TRIO: variants seen among roughly 807,000 people sequenced by gnomAD.
TRIO encodes trio Rho guanine nucleotide exchange factor, also known as triple functional domain protein.
Under a neutral mutation model 351.9 loss-of-function variants are expected in TRIO, and 58 were observed. The observed-to-expected ratio is 0.16, with a 90% CI of 0.13 to 0.21. TRIO has a LOEUF of 0.21. Among genes scored for constraint, TRIO ranks in the 10% least tolerant of loss-of-function variants. The pLI is 1.00. For synonymous variants in TRIO, 1,758 were observed against 1,595.7 expected, an observed-to-expected ratio of 1.10 and a Z score of -2.42; for missense variants, 3,201 against 4,027.8, an observed-to-expected ratio of 0.79 and a Z score of 5.56.
At chr5:14,208,922 AGTTT>A (rs1206045699) in intron 1 of TRIO, among the ~76,000 whole-genome samples, 13 of 152,348 alleles carry the variant, frequency 8.5e-5, no homozygotes, top group African/African-American at 2.4e-4. Context: ...TCTGTTATAA[AGTTT>A]GTTTGTAAAA....
chr5:14,425,619 G>A (rs1237976556), intron 34 of TRIO, among the ~76,000 whole-genome samples: 7 of 152,098 alleles, frequency 4.6e-5, no homozygotes, highest in African/African-American at 1.4e-4. Context: ...GAATGTTTGC[G>A]TCCTTCCAAA....
chr5:14,207,299 A>C, intron 1 of TRIO, among the ~76,000 whole-genome samples: 1 of 26,862 alleles, frequency 3.7e-5, no homozygotes, highest in African/African-American at 1.4e-4. Context: ...ACAGCCAGGT[A>C]GCATAGCAAG....
chr5:14,178,750 G>A (rs1789560587), intron 1 of TRIO, among the ~76,000 whole-genome samples: 1 of 152,152 alleles, frequency 6.6e-6, no homozygotes, highest in African/African-American at 2.4e-5. Flanking sequence ...ATAAAATGAT[G>A]TTTGACTCAG....
At position 14,333,036 on chromosome 5, in the gene TRIO, G is replaced by A. The variant is rs535006795; in HGVS notation, c.1854+2136G>A. 7.2e-5 allele frequency among the ~76,000 whole-genome samples: 11 copies of A among 152,226 alleles called. No individual in the cohort carries two copies. The South Asian group carries it at 8.3e-4, about 11-fold the overall frequency. ...TGCAGGACCAGTTTTTACTAAAGAC[G>A]GCCAGAGGCTGTATTTGGAATCCAG... is the stretch of plus-strand genomic sequence containing the variant. On this transcript the variant is annotated intron_variant, in intron 10 of 56. Transcript: ENST00000344204.
At chr5:14,303,770 A>G (rs1309226686) in intron 7 of TRIO, among the ~76,000 whole-genome samples, 1 of 152,210 alleles carries the variant, frequency 6.6e-6, no homozygotes, top group East Asian at 1.9e-4. Context: ...CGCATGGCTC[A>G]GGCTTTTCTC....
At chr5:14,372,359 T>C (rs1745197274) in intron 18 of TRIO, among the ~76,000 whole-genome samples, 1 of 152,144 alleles carries the variant, frequency 6.6e-6, no homozygotes, top group South Asian at 2.1e-4. Flanking sequence ...TCTAGTTCTC[T>C]CTTTTGTCTC....
intron 34 of TRIO, among the ~76,000 whole-genome samples, chr5:14,439,860 C>T (rs1335298457): frequency 6.6e-6 from 1 of 152,100 alleles, no homozygotes; most frequent in Non-Finnish European, 1.5e-5. Context: ...GCCGTTGGAG[C>T]GCCTGAGACA....
At chr5:14,386,787 A>C (rs1746579403) in intron 21 of TRIO, among the ~76,000 whole-genome samples, 1 of 152,254 alleles carries the variant, frequency 6.6e-6, no homozygotes, top group Non-Finnish European at 1.5e-5. Context: ...TACATACAAA[A>C]TAGAATAATT....
intron 9 of TRIO, among the ~76,000 whole-genome samples, chr5:14,319,887 CG>C (rs1739717660): frequency 6.6e-6 from 1 of 152,042 alleles, no homozygotes; most frequent in African/African-American, 2.4e-5. Context: ...TCTTAATAAG[CG>C]GGGGCCAATT....
chr5:14,407,962 C>G (rs529085367), intron 33 of TRIO, among the ~76,000 whole-genome samples: 3 of 152,174 alleles, frequency 2.0e-5, no homozygotes, highest in African/African-American at 7.2e-5. Flanking sequence ...ATTTATGAGC[C>G]CAGAATTGCT....
At chr5:14,376,969 T>TG (rs1183244840) in intron 19 of TRIO, among the ~76,000 whole-genome samples, 2 of 152,258 alleles carry the variant, frequency 1.3e-5, no homozygotes, top group African/African-American at 4.8e-5. Context: ...ATTTAGTGAC[T>TG]GTATTTTTTA....
At chr5:14,271,902 C>G (rs1169250620) in intron 2 of TRIO, among the ~76,000 whole-genome samples, 1 of 152,054 alleles carries the variant, frequency 6.6e-6, no homozygotes, top group East Asian at 1.9e-4. Flanking sequence ...TCTTGTTTTG[C>G]TTCATGTTCA....
chr5:14,443,481 A>C (rs1487019807), intron 34 of TRIO, among the ~76,000 whole-genome samples: 1 of 152,222 alleles, frequency 6.6e-6, no homozygotes, highest in Admixed American at 6.5e-5. Context: ...ATCACATTTT[A>C]AAAGGAAGAA....
intron 1 of TRIO, among the ~76,000 whole-genome samples, chr5:14,220,226 G>C (rs1792522835): frequency 6.6e-6 from 1 of 152,106 alleles, no homozygotes; most frequent in African/African-American, 2.4e-5. Context: ...TCTCTGGTCA[G>C]TGATCTTTGA....
intron 17 of TRIO, 97 bp downstream of exon 17, chr5:14,368,996 T>C (rs1013276247): frequency 3.5e-6 from 5 of 1,421,832 alleles, no homozygotes; most frequent in South Asian, 2.8e-5. Flanking sequence ...TTCATCGTTA[T>C]TGAAACAATC....
In TRIO at chr5:14,488,020, G is replaced by C. The variant is rs768518760; in HGVS notation, c.7392G>C (p.Ala2464=). 2.5e-6 allele frequency: 4 copies of C among 1,595,556 alleles called. No homozygotes were observed. Among genetic ancestry groups the C allele is most frequent in the Non-Finnish European group, 3.4e-6 (4 of 1,172,408 alleles). ...CGCTGAACTCGCCGCTCTCCAGCGC[G>C]GTCCCTTCTCTCGGCAAGGAGCCCT... ...ASPLNSPLSS[A]VPSLGKEPFP... Residue 2464 remains alanine, a synonymous_variant, in exon 48 of 57, where the codon GCG becomes GCC. Transcript: ENST00000344204.
At chr5:14,335,501 C>T (rs1250548848) in intron 10 of TRIO, among the ~76,000 whole-genome samples, 1 of 152,218 alleles carries the variant, frequency 6.6e-6, no homozygotes, top group Admixed American at 6.5e-5. Flanking sequence ...CAGCAGCTTC[C>T]TGTAACAGCA....
chr5:14,169,599 C>A (rs1435522490), intron 1 of TRIO, among the ~76,000 whole-genome samples: 1 of 152,182 alleles, frequency 6.6e-6, no homozygotes, highest in Non-Finnish European at 1.5e-5. Context: ...TGTTATTCAT[C>A]GAACACACAC....
At chr5:14,262,132 C>T (rs1384334842) in intron 1 of TRIO, among the ~76,000 whole-genome samples, 2 of 152,226 alleles carry the variant, frequency 1.3e-5, no homozygotes, top group Non-Finnish European at 2.9e-5. Flanking sequence ...GACTGCCATG[C>T]AGTGGGACTC....
Sources: allele counts gnomAD v4.1 joint callset (sites outside exome capture counted in the v4.1 genomes callset), GRCh38; gene constraint gnomAD v4.1.1; transcripts MANE v1.5; gene names NCBI Gene and HGNC (gene_info 2026-07-23, HGNC 2026-07-21).